Variants in GABRB1 observed in about 807,000 individuals in gnomAD.
GABRB1 encodes the protein gamma-aminobutyric acid type A receptor subunit beta1.
Under a neutral mutation model 51.6 loss-of-function variants are expected in GABRB1, and 17 were observed. The observed-to-expected ratio is 0.33, with a 90% CI of 0.23 to 0.49. The LOEUF (loss-of-function observed/expected upper bound fraction) is 0.49. GABRB1 is among the 20% of genes least tolerant of loss of function. The probability of loss-of-function intolerance (pLI) is 0.99; values close to 1 mark genes in which losing one functional copy is unlikely to be tolerated. For synonymous variants in GABRB1, 247 were observed against 218.9 expected (o/e 1.13, Z -1.14); for missense variants, 410 against 600.6 (o/e 0.68, Z 3.32).
intron 5 of GABRB1, among the ~76,000 whole-genome samples, chr4:47,402,555 A>G (rs958613419): frequency 5.9e-5 from 9 of 152,230 alleles, no homozygotes; most frequent in African/African-American, 2.2e-4. Context: ...GACCACTGCC[A>G]GGTGGGAGTA....
At chr4:47,128,666 G>A (rs1267975237) in intron 3 of GABRB1, among the ~76,000 whole-genome samples, 4 of 151,928 alleles carry the variant, frequency 2.6e-5, no homozygotes, top group Admixed American at 2.6e-4. Flanking sequence ...TCATATTTCA[G>A]AGAGTTATAA....
At position 47,426,024 on chromosome 4, in the gene GABRB1, G is replaced by C. The variant is rs1339197576; in HGVS notation, c.*6G>C. 6.5e-7 allele frequency: 1 copy of C among 1,542,884 alleles called. No individual in the cohort carries two copies. Among genetic ancestry groups the C allele is most frequent in the East Asian group, 2.3e-5 (1 of 44,100 alleles). On this transcript the variant is annotated 3_prime_UTR_variant, in exon 9 of 9. Coordinates refer to ENST00000295454, the MANE Select transcript of GABRB1 (RefSeq NM_000812.4). ...GGCTTTACTATGTACACTGAGGTCT[G>C]TTCTAATGGTTCCATTTAGACTACT...
rs1426090690 is a variant in GABRB1, at chr4:47,320,113, C to G, written c.462-14C>G. 2 of 1,534,274 alleles carry G rather than the reference C, an allele frequency of 1.3e-6. No homozygotes were observed. Among genetic ancestry groups the G allele is most frequent in the African/African-American group, 2.7e-5 (2 of 73,334 alleles). ...TTTTGTAATGTTTTCTTTTTTCTCT[C>G]TCCTCTCTATCAGAATCACAACCAC... is the stretch of plus-strand genomic sequence containing the variant. On this transcript the variant is annotated splice_polypyrimidine_tract_variant and intron_variant, in intron 4 of 8. Coordinates refer to ENST00000295454, the MANE Select transcript of GABRB1 (RefSeq NM_000812.4).
At chr4:47,081,533 CA>C in intron 3 of GABRB1, among the ~76,000 whole-genome samples, 1 of 152,242 alleles carries the variant, frequency 6.6e-6, no homozygotes. Context: ...TGCTATCTTT[CA>C]AATATTCAGA....
intron 4 of GABRB1, among the ~76,000 whole-genome samples, chr4:47,319,694 C>G (rs1725006479): frequency 6.6e-6 from 1 of 152,094 alleles, no homozygotes; most frequent in Admixed American, 6.6e-5. Flanking sequence ...GTGAAGCTGG[C>G]CTCATGAAAT....
At chr4:47,046,869 T>C (rs1202660162) in intron 3 of GABRB1, among the ~76,000 whole-genome samples, 1 of 152,106 alleles carries the variant, frequency 6.6e-6, no homozygotes, top group Non-Finnish European at 1.5e-5. Flanking sequence ...GAGGCCATTA[T>C]CCTTAACAAA....
chr4:47,354,075 C>T (rs540793854), intron 5 of GABRB1, among the ~76,000 whole-genome samples: 17 of 152,134 alleles, frequency 1.1e-4, no homozygotes, highest in African/African-American at 3.9e-4. Context: ...CCCAAGCAAC[C>T]CATCTTCTCT....
intron 5 of GABRB1, among the ~76,000 whole-genome samples, chr4:47,364,839 C>T (rs371608933): frequency 6.5e-5 from 8 of 123,404 alleles, no homozygotes; most frequent in African/African-American, 2.6e-4. Flanking sequence ...TTGTTTCCTT[C>T]TTAAAATGGA....
intron 3 of GABRB1, among the ~76,000 whole-genome samples, chr4:47,058,225 G>T (rs987503227): frequency 1.3e-5 from 2 of 152,046 alleles, no homozygotes; most frequent in Non-Finnish European, 2.9e-5. Context: ...CAGAAGGGTC[G>T]GTCCATCATC....
chr4:47,247,352 G>T (rs1354705468), intron 4 of GABRB1, among the ~76,000 whole-genome samples: 1 of 152,026 alleles, frequency 6.6e-6, no homozygotes, highest in East Asian at 1.9e-4. Context: ...TTATTTCTGG[G>T]TTCTCTATTC....
intron 3 of GABRB1, among the ~76,000 whole-genome samples, chr4:47,069,234 T>G (rs530594056): frequency 6.6e-6 from 1 of 152,290 alleles, no homozygotes; most frequent in South Asian, 2.1e-4. Flanking sequence ...TCATAAACTC[T>G]TTCTTCCCTG....
chr4:47,421,415 T>G (rs561177996), intron 8 of GABRB1, among the ~76,000 whole-genome samples: 10 of 152,206 alleles, frequency 6.6e-5, no homozygotes, highest in African/African-American at 1.9e-4. Context: ...ATAATGTAAC[T>G]TAATGATGCA....
chr4:47,080,240 C>T (rs996812275), intron 3 of GABRB1, among the ~76,000 whole-genome samples: 6 of 151,094 alleles, frequency 4.0e-5, no homozygotes, highest in African/African-American at 9.7e-5. Flanking sequence ...AAAACTGTGA[C>T]GCATGCCTTG....
chr4:47,339,963 C>T (rs996950796), intron 5 of GABRB1, among the ~76,000 whole-genome samples: 1 of 152,054 alleles, frequency 6.6e-6, no homozygotes, highest in Admixed American at 6.6e-5. Context: ...ATTCTAGTTT[C>T]CTCCAAAGTG....
In GABRB1 at chr4:47,425,780, C is replaced by G. The variant is rs377492047; in HGVS notation, c.1187C>G (p.Ser396Cys). The part of the protein sequence containing the change: ...SVSDPKATMY[S>C]YDSASIQYRK... ...AGCGACCCCAAGGCCACCATGTACT[C>G]CTATGACAGCGCCAGCATCCAGTAC... The change falls in exon 9 of 9, where the codon TCC becomes TGC. Residue 396 changes from serine to cysteine, a missense_variant. Coordinates refer to ENST00000295454, the MANE Select transcript of GABRB1 (RefSeq NM_000812.4). 6.2e-7 allele frequency: 1 copy of G among 1,614,090 alleles called. No individual in the cohort carries two copies. Among genetic ancestry groups the G allele is most frequent in the Non-Finnish European group, 8.5e-7 (1 of 1,180,036 alleles).
At chr4:47,117,601 A>T (rs1018150584) in intron 3 of GABRB1, among the ~76,000 whole-genome samples, 1 of 152,220 alleles carries the variant, frequency 6.6e-6, no homozygotes, top group Non-Finnish European at 1.5e-5. Flanking sequence ...ACTTAATAGA[A>T]CTAACACTTG....
chr4:47,425,972 C>T lies in GABRB1; in HGVS notation c.1379C>T (p.Thr460Ile), dbSNP rs1463466456. The change falls in exon 9 of 9, where the codon ACC (threonine) becomes ATC (isoleucine). Residue 460 changes from threonine to isoleucine, a missense_variant. This residue lies in a region of GABRB1 where 181 missense variants were observed against 195.6 expected (regional missense o/e 0.93). Coordinates refer to ENST00000295454, the MANE Select transcript of GABRB1 (RefSeq NM_000812.4). Reference sequence around the variant, plus strand: ...TGGTCCCGAATGTTTTTCCCCATCACCTTTTCTCTTTTTAATGTCGTCTAT... The same window carrying T: ...TGGTCCCGAATGTTTTTCCCCATCATCTTTTCTCTTTTTAATGTCGTCTAT... ...DKWSRMFFPI[T>I]FSLFNVVYWL... 6.2e-7 allele frequency: 1 copy of T among 1,610,112 alleles called. No homozygotes were observed. Among genetic ancestry groups the T allele is most frequent in the Non-Finnish European group, 8.5e-7 (1 of 1,177,440 alleles).
chr4:47,077,826 A>C lies in GABRB1; in HGVS notation c.240+45342A>C. Among the ~76,000 whole-genome samples the C allele has an allele frequency of 1.4e-5, 2 of 141,518 alleles. 1 individual carries two copies. 92.8% of individuals were successfully genotyped at this position (141,518 alleles called of 152,430 possible). A position where few individuals can be genotyped will look rare whatever the true frequency, so the allele number is the denominator to read the frequency against. On this transcript the variant is annotated intron_variant, in intron 3 of 8. Coordinates refer to ENST00000295454, the MANE Select transcript of GABRB1 (RefSeq NM_000812.4). ...AATTAGAAACATATAAAAAAATATA[A>C]TATATATTATATATTTTATATATAT...
chr4:47,174,429 C>T (rs1440555728), intron 4 of GABRB1, among the ~76,000 whole-genome samples: 2 of 152,122 alleles, frequency 1.3e-5, no homozygotes, highest in African/African-American at 4.8e-5. Flanking sequence ...GTACACTGCT[C>T]ATCTTCCAAC....
Sources: gnomAD v4.1 joint callset for allele counts (sites outside exome capture counted in the v4.1 genomes callset) on GRCh38, gnomAD v4.1.1 for gene constraint, gnomAD v4.1.1 regional missense constraint, MANE v1.5 for transcripts, NCBI Gene and HGNC (gene_info 2026-07-23, HGNC 2026-07-21) for gene names.